MARCHF1: variants seen among roughly 807,000 people sequenced by gnomAD.
The protein encoded by MARCHF1 is membrane associated ring-CH-type finger 1.
Under a neutral mutation model 54.2 loss-of-function variants are expected in MARCHF1, and 40 were observed. The observed-to-expected ratio is 0.74, with a 90% confidence interval of 0.57 to 0.96. The LOEUF (loss-of-function observed/expected upper bound fraction) is 0.96, where lower values mean the gene tolerates loss of function less well. MARCHF1 is among the 40% of genes least tolerant of loss of function. The probability of loss-of-function intolerance (pLI) is 0.00; values close to 1 mark genes in which losing one functional copy is unlikely to be tolerated. For missense variants in MARCHF1, 586 were observed against 656.5 expected (o/e 0.89, Z 1.17); for synonymous variants, 236 against 236.3 (o/e 1.00, Z 0.01).
At chr4:163,922,384 C>T (rs111257757) in intron 3 of MARCHF1, among the ~76,000 whole-genome samples, 6 of 152,026 alleles carry the variant, frequency 3.9e-5, no homozygotes, top group African/African-American at 1.4e-4. Flanking sequence ...AAATCAATAT[C>T]GTTGAGGTTT....
intron 1 of MARCHF1, among the ~76,000 whole-genome samples, chr4:164,281,306 T>C (rs1170927934): frequency 6.6e-6 from 1 of 152,160 alleles, no homozygotes; most frequent in Non-Finnish European, 1.5e-5. Context: ...GGGTTGGATA[T>C]ACAAATCATA....
intron 4 of MARCHF1, among the ~76,000 whole-genome samples, chr4:163,705,559 T>C (rs1228471707): frequency 1.3e-5 from 2 of 152,004 alleles, no homozygotes; most frequent in Non-Finnish European, 2.9e-5. Flanking sequence ...GTTAGATTAA[T>C]ACATTGAAAG....
At chr4:164,241,718 G>C (rs1490605882) in intron 1 of MARCHF1, among the ~76,000 whole-genome samples, 1 of 152,280 alleles carries the variant, frequency 6.6e-6, no homozygotes, top group East Asian at 1.9e-4. Context: ...TGAGGTACCG[G>C]GTTCATCTCC....
chr4:164,320,428 C>A (rs1301715561), intron 1 of MARCHF1, among the ~76,000 whole-genome samples: 1 of 152,044 alleles, frequency 6.6e-6, no homozygotes, highest in Non-Finnish European at 1.5e-5. Context: ...AAATCGTGGG[C>A]AAGGCGACTA....
At chr4:163,781,771 A>G (rs1437149004) in intron 4 of MARCHF1, among the ~76,000 whole-genome samples, 1 of 152,244 alleles carries the variant, frequency 6.6e-6, no homozygotes, top group Non-Finnish European at 1.5e-5. Flanking sequence ...TAATTTAAAA[A>G]CAAAAACATT....
intron 1 of MARCHF1, among the ~76,000 whole-genome samples, chr4:164,163,614 C>A (rs1730297047): frequency 6.6e-6 from 1 of 151,656 alleles, no homozygotes. Flanking sequence ...GCAAAACATA[C>A]AACTGGAAAA....
At chr4:164,024,028 A>T (rs980272221) in intron 2 of MARCHF1, among the ~76,000 whole-genome samples, 7 of 152,190 alleles carry the variant, frequency 4.6e-5, no homozygotes, top group Non-Finnish European at 8.8e-5. Flanking sequence ...AGTCAGAAAA[A>T]AAATACAGAA....
In MARCHF1 at chr4:163,899,763, T is replaced by TACAC. The variant is rs70948674; in HGVS notation, c.-38-45598_-38-45595dup. 4.9e-3 allele frequency among the ~76,000 whole-genome samples: 732 copies of TACAC among 148,836 alleles called. 5 individuals carry two copies. The highest frequency in any genetic ancestry group is 0.01 in the Middle Eastern group (3 of 292). The stretch of plus-strand genomic sequence containing the variant: ...TTCATAAACTCCCAGTCTCACCCAC[T>TACAC]ACACACACACACACACACACACACA... On this transcript the variant is annotated intron_variant, in intron 3 of 9. Coordinates refer to ENST00000514618, the MANE Select transcript of MARCHF1 (RefSeq NM_001394959.1).
At chr4:163,963,833 GA>G (rs1752387058) in intron 3 of MARCHF1, among the ~76,000 whole-genome samples, 1 of 151,898 alleles carries the variant, frequency 6.6e-6, no homozygotes, top group Non-Finnish European at 1.5e-5. Flanking sequence ...ACTGAGCACA[GA>G]AAGAAAGTGA....
At chr4:164,227,919 C>T in intron 1 of MARCHF1, among the ~76,000 whole-genome samples, 1 of 151,994 alleles carries the variant, frequency 6.6e-6, no homozygotes, top group East Asian at 1.9e-4. Flanking sequence ...ATAGAAAATT[C>T]TATATTTTAT....
intron 1 of MARCHF1, among the ~76,000 whole-genome samples, chr4:164,166,785 A>G (rs28611127): frequency 0.18 from 27,638 of 151,778 alleles, 3,956 homozygotes; most frequent in African/African-American, 0.38. Flanking sequence ...TGCAATAAAC[A>G]AATTCAGTGA....
intron 4 of MARCHF1, among the ~76,000 whole-genome samples, chr4:163,833,945 T>C (rs571806774): frequency 4.6e-5 from 7 of 152,276 alleles, no homozygotes; most frequent in Admixed American, 4.6e-4. Context: ...TGTCTACAAA[T>C]GAGCAGCAGT....
chr4:163,971,694 G>A (rs1379788892), intron 3 of MARCHF1, among the ~76,000 whole-genome samples: 1 of 152,168 alleles, frequency 6.6e-6, no homozygotes, highest in African/African-American at 2.4e-5. Flanking sequence ...TGGTGGAATG[G>A]ACCAAGTAAA....
intron 3 of MARCHF1, among the ~76,000 whole-genome samples, chr4:163,880,636 A>G (rs1750394342): frequency 6.6e-6 from 1 of 152,002 alleles, no homozygotes; most frequent in African/African-American, 2.4e-5. Context: ...ATAATAATAT[A>G]TGAAGTAGGA....
Position 164,266,176 on chromosome 4 carries a change from C to T in MARCHF1, c.-323+117694G>A, listed in dbSNP as rs187053181. On this transcript the variant is annotated intron_variant, in intron 1 of 9. Transcript: ENST00000514618. ...ATCATGAACACTATCTGGTATGTCACGTAGGTAATTTACAAGGGATACAAT... is the reference window on the plus strand; with the variant it reads ...ATCATGAACACTATCTGGTATGTCATGTAGGTAATTTACAAGGGATACAAT... 1.7e-3 allele frequency among the ~76,000 whole-genome samples: 252 copies of T among 152,192 alleles called. 1 individual carries two copies. The highest frequency in any genetic ancestry group is 5.8e-3 in the African/African-American group (239 of 41,546).
chr4:163,823,445 G>A (rs149647729), intron 4 of MARCHF1, among the ~76,000 whole-genome samples: 2 of 151,822 alleles, frequency 1.3e-5, no homozygotes, highest in African/African-American at 4.8e-5. Context: ...TAAATACCTT[G>A]CCTTGTCCAC....
At chr4:164,114,801 CA>C (rs34571086) in intron 1 of MARCHF1, among the ~76,000 whole-genome samples, 306 of 125,216 alleles carry the variant, frequency 2.4e-3, no homozygotes, top group East Asian at 0.015. Flanking sequence ...AGTGAATTAC[CA>C]AAAAAAAAAA....
chr4:164,162,125 CAT>C, intron 1 of MARCHF1, among the ~76,000 whole-genome samples: 1 of 152,016 alleles, frequency 6.6e-6, no homozygotes. Context: ...ATAAAAGAAA[CAT>C]GTTTTGTATG....
At chr4:163,779,989 C>T (rs1747417948) in intron 4 of MARCHF1, among the ~76,000 whole-genome samples, 1 of 152,202 alleles carries the variant, frequency 6.6e-6, no homozygotes, top group Admixed American at 6.5e-5. Flanking sequence ...ATCAAGGACA[C>T]TGCTGAGAAG....
Sources: gnomAD v4.1 joint callset for allele counts (sites outside exome capture counted in the v4.1 genomes callset) on GRCh38, gnomAD v4.1.1 for gene constraint, MANE v1.5 for transcripts, NCBI Gene and HGNC (gene_info 2026-07-23, HGNC 2026-07-21) for gene names.